The following ARHGAP26 variants were observed in gnomAD, a reference collection of about 807,000 sequenced individuals.
The protein encoded by ARHGAP26 is Rho GTPase activating protein 26, also known as rho GTPase-activating protein 26.
A neutral mutation model predicts 104.8 loss-of-function variants in ARHGAP26; 38 were observed. The ratio of observed to expected loss-of-function variants is 0.36; its 90% confidence interval spans 0.28 to 0.48. The LOEUF is 0.48. Ranked by LOEUF, ARHGAP26 falls within the 20% of genes least tolerant of loss-of-function variation. The probability of loss-of-function intolerance (pLI) is 0.99; values close to 1 mark genes in which losing one functional copy is unlikely to be tolerated. For missense variants in ARHGAP26, 704 were observed against 947.9 expected (o/e 0.74, Z 3.38); for synonymous variants, 341 against 340.0 (o/e 1.00, Z -0.03).
At chr5:143,097,376 A>AG (rs1321575562) in intron 17 of ARHGAP26, among the ~76,000 whole-genome samples, 4 of 151,234 alleles carry the variant, frequency 2.6e-5, no homozygotes, top group Non-Finnish European at 5.9e-5. Flanking sequence ...AAAAAAAAAA[A>AG]AAAAAAAGAG....
chr5:142,775,554 A>G (rs555695324), intron 1 of ARHGAP26, among the ~76,000 whole-genome samples: 12 of 152,180 alleles, frequency 7.9e-5, no homozygotes, highest in South Asian at 2.1e-4. Flanking sequence ...CATGTTCACC[A>G]TGTTGTATAA....
At chr5:142,931,013 G>A (rs1039961298) in intron 10 of ARHGAP26, among the ~76,000 whole-genome samples, 1 of 152,142 alleles carries the variant, frequency 6.6e-6, no homozygotes, top group Non-Finnish European at 1.5e-5. Flanking sequence ...CAGTGTTTGT[G>A]TACTCAGACA....
chr5:142,831,097 G>A (rs994822645), intron 1 of ARHGAP26, among the ~76,000 whole-genome samples: 1 of 152,150 alleles, frequency 6.6e-6, no homozygotes, highest in African/African-American at 2.4e-5. Context: ...ATGCACATAG[G>A]TCCTCAGCCT....
At position 142,817,395 on chromosome 5, in the gene ARHGAP26, A is replaced by G. The variant is rs566303320; in HGVS notation, c.154+46480A>G. Among the ~76,000 whole-genome samples the G allele has an allele frequency of 2.6e-5, 4 of 152,310 alleles. No individual in the cohort carries two copies. In the East Asian group the frequency reaches 7.7e-4, roughly 29 times the overall value. On this transcript the variant is annotated intron_variant, in intron 1 of 22. Transcript: ENST00000645722. ...AGAACCAGGGAACCATTCCCCTTTCAGGGTAAGAGGAGGAAAAGTGAGAGG... is the reference window on the plus strand; with the variant it reads ...AGAACCAGGGAACCATTCCCCTTTCGGGGTAAGAGGAGGAAAAGTGAGAGG...
chr5:143,022,228 C>T (rs985750219), intron 12 of ARHGAP26, among the ~76,000 whole-genome samples: 2 of 152,112 alleles, frequency 1.3e-5, no homozygotes, highest in Non-Finnish European at 2.9e-5. Context: ...CCTGCTACCA[C>T]ACCTGGCTAA....
chr5:142,984,775 T>C (rs972461905), intron 11 of ARHGAP26, among the ~76,000 whole-genome samples: 2 of 152,242 alleles, frequency 1.3e-5, no homozygotes, highest in African/African-American at 4.8e-5. Context: ...TTTGTGGTGA[T>C]GCTGGTGTAA....
At chr5:142,806,851 C>T (rs1245011319) in intron 1 of ARHGAP26, among the ~76,000 whole-genome samples, 4 of 152,188 alleles carry the variant, frequency 2.6e-5, no homozygotes, top group African/African-American at 9.7e-5. Flanking sequence ...TTGGAACTAA[C>T]CAGCAGTTGA....
At chr5:143,103,179 T>A in intron 17 of ARHGAP26, 1 of 962,154 alleles carries the variant, frequency 1.0e-6, no homozygotes, top group Non-Finnish European at 1.2e-6. Context: ...TTTGATTTGC[T>A]TTGCTGCAGA....
At chr5:143,129,520 G>T (rs1030869719) in intron 18 of ARHGAP26, among the ~76,000 whole-genome samples, 1 of 152,102 alleles carries the variant, frequency 6.6e-6, no homozygotes, top group Non-Finnish European at 1.5e-5. Flanking sequence ...CAAATTAATA[G>T]TAGCTATAAA....
chr5:143,187,156 G>T (rs1805274839), intron 20 of ARHGAP26, among the ~76,000 whole-genome samples: 1 of 152,162 alleles, frequency 6.6e-6, no homozygotes, highest in Admixed American at 6.5e-5. Flanking sequence ...TGCAGGCAAA[G>T]AAAATGAGGG....
At chr5:143,190,269 T>G (rs1021256187) in intron 20 of ARHGAP26, among the ~76,000 whole-genome samples, 1 of 152,194 alleles carries the variant, frequency 6.6e-6, no homozygotes, top group African/African-American at 2.4e-5. Context: ...ATAAACAGTT[T>G]TAAATATTTT....
chr5:143,052,001 G>A (rs2150230684), intron 14 of ARHGAP26, among the ~76,000 whole-genome samples: 1 of 152,292 alleles, frequency 6.6e-6, no homozygotes, highest in Admixed American at 6.5e-5. Context: ...CAAAGCAGAG[G>A]TTTTTGATAC....
chr5:143,222,029 T>A (rs1360092817), intron 22 of ARHGAP26, among the ~76,000 whole-genome samples: 1 of 152,176 alleles, frequency 6.6e-6, no homozygotes, highest in South Asian at 2.1e-4. Context: ...CACTTCTTTG[T>A]AGTTTAAACC....
chr5:143,062,492 T>G (rs1039577158), intron 17 of ARHGAP26, among the ~76,000 whole-genome samples: 1 of 150,796 alleles, frequency 6.6e-6, no homozygotes, highest in African/African-American at 2.4e-5. Flanking sequence ...GGCAGAATTA[T>G]CAAGAATTAA....
At chr5:142,884,782 C>A (rs1757478817) in intron 4 of ARHGAP26, among the ~76,000 whole-genome samples, 4 of 152,138 alleles carry the variant, frequency 2.6e-5, no homozygotes, top group Admixed American at 2.6e-4. Context: ...AGCTTAAAGA[C>A]CTGCATGTGA....
chr5:142,903,719 T>C, intron 8 of ARHGAP26, 50 bp downstream of exon 8: 1 of 1,588,264 alleles, frequency 6.3e-7, no homozygotes, highest in South Asian at 1.1e-5. Context: ...GCCTCTTACC[T>C]AGAAGGTGGA....
Position 142,936,991 on chromosome 5 carries a change from C to T in ARHGAP26, c.1107+4866C>T, listed in dbSNP as rs1765516145. On this transcript the variant is annotated intron_variant, in intron 11 of 22. Transcript: ENST00000645722. ...GATGCAATGCGGAAAGCATACACAA[C>T]CCATAAAATAAAAAATGGATAAAAT... Among the ~76,000 whole-genome samples the T allele has an allele frequency of 3.9e-5, 6 of 152,036 alleles. No homozygotes were observed. The South Asian group carries it at 1.2e-3, about 32-fold the overall frequency.
At chr5:142,895,086 C>G (rs1288982738) in intron 6 of ARHGAP26, among the ~76,000 whole-genome samples, 1 of 152,174 alleles carries the variant, frequency 6.6e-6, no homozygotes, top group Non-Finnish European at 1.5e-5. Flanking sequence ...CATGGAAACA[C>G]CAAAATAGTA....
chr5:143,140,864 C>T (rs1266612631), intron 19 of ARHGAP26, among the ~76,000 whole-genome samples: 2 of 152,208 alleles, frequency 1.3e-5, no homozygotes, highest in African/African-American at 4.8e-5. Flanking sequence ...CCTAGACCCT[C>T]TCCCAGACAG....
Sources: allele counts gnomAD v4.1 joint callset (sites outside exome capture counted in the v4.1 genomes callset), GRCh38; gene constraint gnomAD v4.1.1; transcripts MANE v1.5; gene names NCBI Gene and HGNC (gene_info 2026-07-23, HGNC 2026-07-21).